Variants in COL4A5 observed in about 807,000 individuals in gnomAD.
COL4A5 encodes the protein collagen type IV alpha 5 chain.
A neutral mutation model predicts 130.2 loss-of-function variants in COL4A5; 26 were observed. The observed-to-expected ratio is 0.20, with a 90% CI of 0.15 to 0.28. The LOEUF (loss-of-function observed/expected upper bound fraction) is 0.28. Ranked by LOEUF, COL4A5 falls within the 10% of genes least tolerant of loss-of-function variation. The pLI is 1.00. For synonymous variants in COL4A5, 496 were observed against 439.6 expected (o/e 1.13, Z -1.60); for missense variants, 1,131 against 1,344.3 (o/e 0.84, Z 2.48).
intron 43 of COL4A5, chrX:108,677,022 A>G (rs1353997701): frequency 2.7e-5 from 3 of 112,403 alleles, no homozygotes; most frequent in Non-Finnish European, 5.6e-5. Context: ...ATAACTGAAC[A>G]ATCAATTGAG....
chrX:108,617,032 A>G (rs1164649364), intron 30 of COL4A5, among the ~76,000 whole-genome samples: 1 of 110,988 alleles, frequency 9.0e-6, no homozygotes, highest in African/African-American at 3.3e-5. Context: ...TGAAATTAAC[A>G]GGAACTAGCA....
At chrX:108,624,081 G>A (rs997219462) in intron 33 of COL4A5, among the ~76,000 whole-genome samples, 155 bp from the exon 34 acceptor site, 2 of 112,320 alleles carry the variant, frequency 1.8e-5, no homozygotes, top group African/African-American at 6.5e-5. Context: ...AAGGATTTTC[G>A]TGTGAGTCCA....
In COL4A5 at chrX:108,580,280, A is replaced by G. The variant is rs1227389872; in HGVS notation, c.781-253A>G. On this transcript the variant is annotated intron_variant, in intron 13 of 52. Transcript: ENST00000328300. ...CTACTCTTAGTAGTCCCCAGTGTCT[A>G]TTGTTGCCATCTTTATGTCCTTGTG... Among the ~76,000 whole-genome samples the G allele has an allele frequency of 3.6e-5, 4 of 111,031 alleles. No individual in the cohort carries two copies. Among genetic ancestry groups the G allele is most frequent in the Non-Finnish European group, 7.6e-5 (4 of 52,962 alleles).
chrX:108,510,864 CAAT>C (rs1272032854), intron 1 of COL4A5, among the ~76,000 whole-genome samples: 7 of 110,605 alleles, frequency 6.3e-5, no homozygotes, highest in Non-Finnish European at 1.9e-5. Context: ...TTTTAATTGA[CAAT>C]AATTGCACAT....
In COL4A5 at chrX:108,644,458, T is replaced by C. The variant is rs371227318; in HGVS notation, c.3247-10873T>C. Among the ~76,000 whole-genome samples, 67 of 112,069 alleles carry C rather than the reference T, an allele frequency of 6.0e-4. 1 individual carries two copies. The highest frequency in any genetic ancestry group is 2.1e-3 in the African/African-American group (64 of 30,839). ...ACATTCTATTCAAAAGCCCACGAAC[T>C]TTCTCCAAGATAGACCATATGATAG... is the stretch of plus-strand genomic sequence containing the variant. On this transcript the variant is annotated intron_variant, in intron 36 of 52. Transcript: ENST00000328300.
At chrX:108,644,919 C>T (rs199832593) in intron 36 of COL4A5, among the ~76,000 whole-genome samples, 2 of 47,552 alleles carry the variant, frequency 4.2e-5, no homozygotes, top group South Asian at 2.2e-3. Flanking sequence ...ACAACAACAA[C>T]AAAAAAAAAA....
chrX:108,490,776 T>C (rs1043638858), intron 1 of COL4A5, among the ~76,000 whole-genome samples: 8 of 111,157 alleles, frequency 7.2e-5, no homozygotes, highest in African/African-American at 2.3e-4. Context: ...CCAATAGTTA[T>C]CTTTTCTGCT....
chrX:108,643,782 A>T (rs2067516358), intron 36 of COL4A5, among the ~76,000 whole-genome samples: 1 of 112,028 alleles, frequency 8.9e-6, no homozygotes, highest in Admixed American at 9.5e-5. Context: ...TAAATCACAT[A>T]GGACCTACAA....
chrX:108,562,553 CT>C (rs1037391527), intron 3 of COL4A5, among the ~76,000 whole-genome samples: 1 of 111,837 alleles, frequency 8.9e-6, no homozygotes, highest in East Asian at 2.8e-4. Flanking sequence ...GCAGTCCAAT[CT>C]TTTTTTGTGA....
chrX:108,644,280 A>G (rs755783239), intron 36 of COL4A5, among the ~76,000 whole-genome samples: 4 of 112,027 alleles, frequency 3.6e-5, no homozygotes, highest in African/African-American at 6.5e-5. Flanking sequence ...CAGCAACACA[A>G]TAATACTGAG....
At chrX:108,442,140 T>C (rs1170848182) in intron 1 of COL4A5, among the ~76,000 whole-genome samples, 4 of 112,221 alleles carry the variant, frequency 3.6e-5, no homozygotes, top group Non-Finnish European at 7.5e-5. Context: ...ATGAATGATA[T>C]CGGCTCTGCA....
At chrX:108,564,789 A>G (rs906026087) in intron 4 of COL4A5, among the ~76,000 whole-genome samples, 5 of 111,773 alleles carry the variant, frequency 4.5e-5, no homozygotes, top group Non-Finnish European at 9.4e-5. Context: ...TGTGTGACAA[A>G]GATAACCATT....
intron 1 of COL4A5, among the ~76,000 whole-genome samples, chrX:108,488,943 A>G (rs1048744220): frequency 5.4e-5 from 6 of 112,028 alleles, no homozygotes; most frequent in African/African-American, 1.9e-4. Context: ...TAGTTGACAA[A>G]CAAATGAACC....
intron 1 of COL4A5, among the ~76,000 whole-genome samples, chrX:108,490,709 G>T (rs922977589): frequency 9.0e-6 from 1 of 110,976 alleles, no homozygotes; most frequent in Non-Finnish European, 1.9e-5. Context: ...AGGTAAACAC[G>T]TGTCATGGGG....
chrX:108,640,914 A>G (rs766813888), intron 36 of COL4A5, among the ~76,000 whole-genome samples: 17 of 111,923 alleles, frequency 1.5e-4, no homozygotes, highest in Admixed American at 2.8e-4. Context: ...AAAATGAACA[A>G]AGGAATTGAA....
chrX:108,605,292 G>A lies in COL4A5; in HGVS notation c.2245-1450G>A, dbSNP rs1369952342. Among the ~76,000 whole-genome samples the A allele has an allele frequency of 5.4e-5, 6 of 111,655 alleles. 1 individual carries two copies. Among genetic ancestry groups the A allele is most frequent in the Non-Finnish European group, 1.1e-4 (6 of 53,175 alleles). ...TTCACTTGAACACTTAGAGGCCATTGTTGTGTTATTAATTGGCCTAATTTC... is the reference window on the plus strand; with the variant it reads ...TTCACTTGAACACTTAGAGGCCATTATTGTGTTATTAATTGGCCTAATTTC... On this transcript the variant is annotated intron_variant, in intron 28 of 52. Transcript: ENST00000328300.
intron 10 of COL4A5, among the ~76,000 whole-genome samples, chrX:108,577,173 T>C (rs1175152350): frequency 9.3e-6 from 1 of 107,314 alleles, no homozygotes; most frequent in East Asian, 2.9e-4. Flanking sequence ...GAGTTTGAGA[T>C]CAGCCTGACC....
chrX:108,666,267 C>G (rs1259432253), intron 38 of COL4A5, among the ~76,000 whole-genome samples: 4 of 111,728 alleles, frequency 3.6e-5, no homozygotes, highest in Non-Finnish European at 7.5e-5. Flanking sequence ...GCACCTTACT[C>G]TCTTAGATAT....
chrX:108,671,222 T>A (rs2068200976), intron 42 of COL4A5, among the ~76,000 whole-genome samples: 1 of 112,253 alleles, frequency 8.9e-6, no homozygotes, highest in Non-Finnish European at 1.9e-5. Flanking sequence ...AATATTTGAA[T>A]GTATTTATTG....
Sources: allele counts gnomAD v4.1 joint callset (sites outside exome capture counted in the v4.1 genomes callset), GRCh38; gene constraint gnomAD v4.1.1; transcripts MANE v1.5; gene names NCBI Gene and HGNC (gene_info 2026-07-23, HGNC 2026-07-21).